Variants in SERGEF observed in about 807,000 individuals in gnomAD.
SERGEF encodes secretion-regulating guanine nucleotide exchange factor.
SERGEF carries 51 observed loss-of-function variants against 50.0 expected under a neutral mutation model. That is an observed-to-expected ratio of 1.02 (90% CI 0.81 to 1.29). The LOEUF is 1.29. Among genes scored for constraint, SERGEF ranks in the 50% most tolerant of loss-of-function variants. The pLI, the probability that SERGEF is intolerant of heterozygous loss-of-function variation, is 0.00. For missense variants in SERGEF, 521 were observed against 557.0 expected (o/e 0.94, Z 0.65); for synonymous variants, 205 against 212.4 (o/e 0.97, Z 0.30).
chr11:17,803,238 C>A (rs1334363220), intron 10 of SERGEF, among the ~76,000 whole-genome samples: 3 of 152,236 alleles, frequency 2.0e-5, no homozygotes, highest in African/African-American at 7.2e-5. Flanking sequence ...GTTATCAGAG[C>A]TAGAGGTTGA....
At chr11:17,819,101 AG>A (rs1290149385) in intron 10 of SERGEF, among the ~76,000 whole-genome samples, 3 of 152,254 alleles carry the variant, frequency 2.0e-5, no homozygotes, top group Non-Finnish European at 4.4e-5. Flanking sequence ...ATGGTACGCC[AG>A]TGGTTGCCAA....
intron 9 of SERGEF, among the ~76,000 whole-genome samples, chr11:17,880,045 C>T (rs1851309584): frequency 6.6e-6 from 1 of 152,202 alleles, no homozygotes; most frequent in Non-Finnish European, 1.5e-5. Context: ...AGCCAATCTG[C>T]ACATTCATAG....
At chr11:17,993,878 T>C (rs959599851) in intron 6 of SERGEF, among the ~76,000 whole-genome samples, 1 of 152,122 alleles carries the variant, frequency 6.6e-6, no homozygotes, top group African/African-American at 2.4e-5. Flanking sequence ...GTGAAAGACT[T>C]TGAGGACTGG....
At chr11:17,987,099 A>G (rs551864796) in intron 8 of SERGEF, among the ~76,000 whole-genome samples, 38 of 152,336 alleles carry the variant, frequency 2.5e-4, no homozygotes, top group African/African-American at 9.1e-4. Flanking sequence ...GGCTTAACAC[A>G]TTGCTCAATA....
At chr11:17,817,275 C>T (rs1371585779) in intron 10 of SERGEF, among the ~76,000 whole-genome samples, 3 of 149,054 alleles carry the variant, frequency 2.0e-5, no homozygotes, top group East Asian at 2.0e-4. Context: ...AATGCAGTGG[C>T]GCGATCTTGG....
chr11:17,839,432 C>A (rs1473748715), intron 10 of SERGEF, among the ~76,000 whole-genome samples: 4 of 152,162 alleles, frequency 2.6e-5, no homozygotes, highest in Non-Finnish European at 5.9e-5. Context: ...AGTCAGAATT[C>A]TTCCAGGGGT....
chr11:17,901,857 C>T (rs1218425174), intron 9 of SERGEF, among the ~76,000 whole-genome samples: 4 of 152,222 alleles, frequency 2.6e-5, no homozygotes, highest in East Asian at 1.9e-4. Context: ...CACCACTCTG[C>T]GTCTAGCACC....
chr11:17,953,626 T>C (rs1852809984), intron 9 of SERGEF, among the ~76,000 whole-genome samples: 1 of 152,180 alleles, frequency 6.6e-6, no homozygotes, highest in Non-Finnish European at 1.5e-5. Flanking sequence ...TCCAAAACCA[T>C]TACTTTCATT....
chr11:18,006,744 C>T lies in SERGEF; in HGVS notation c.199G>A (p.Gly67Arg). Residue 67 changes from glycine (G) to arginine (R), a missense_variant and splice_region_variant, in exon 3 of 11, where the codon GGA (glycine) becomes AGA (arginine). Physicochemically the swap from Gly to Arg is moderately radical, Grantham distance 125. Transcript: ENST00000265965. ...AGGCCACAAACAAAGAGGTCTCCTC[C>T]ATCTGCAAAATATAAAGGCATCAGT... ...GGGHSAVVTD[G>R]GDLFVCGLNK... is the part of the protein sequence containing the mutation. The T allele has an allele frequency of 6.2e-7, 1 of 1,614,092 alleles. No homozygotes were observed. Among genetic ancestry groups the T allele is most frequent in the Non-Finnish European group, 8.5e-7 (1 of 1,180,006 alleles).
chr11:17,889,137 CATT>C (rs1395660666), intron 9 of SERGEF, among the ~76,000 whole-genome samples: 3 of 152,150 alleles, frequency 2.0e-5, no homozygotes, highest in Non-Finnish European at 4.4e-5. Context: ...ATTTTGCAAT[CATT>C]AGTTAATTCA....
chr11:17,838,731 G>A lies in SERGEF; in HGVS notation c.1048+39477C>T, dbSNP rs142590024. Among the ~76,000 whole-genome samples the A allele has an allele frequency of 5.1e-3, 778 of 152,200 alleles. 4 individuals are homozygous for A. The highest frequency in any genetic ancestry group is 6.0e-3 in the African/African-American group (249 of 41,522). On this transcript the variant is annotated intron_variant, in intron 10 of 10. Transcript: ENST00000265965. ...TAGTGTGAGAATGAAAACGAGATAC[G>A]GTGTAGAGCACCTACTACCATGCCA...
At chr11:17,907,563 T>C (rs765876556) in intron 9 of SERGEF, among the ~76,000 whole-genome samples, 12 of 152,074 alleles carry the variant, frequency 7.9e-5, no homozygotes, top group African/African-American at 1.2e-4. Context: ...CCTCTTTCTT[T>C]TGAGATAGCT....
At chr11:17,978,718 A>G (rs1853431186) in intron 8 of SERGEF, among the ~76,000 whole-genome samples, 1 of 152,168 alleles carries the variant, frequency 6.6e-6, no homozygotes, top group Admixed American at 6.5e-5. Flanking sequence ...GTCCTTATGC[A>G]AGACCCTTTC....
In SERGEF at chr11:17,851,109, T is replaced by C. The variant is rs147271085; in HGVS notation, c.1048+27099A>G. 6.0e-3 allele frequency among the ~76,000 whole-genome samples: 913 copies of C among 152,330 alleles called. 6 individuals are homozygous for C. Among genetic ancestry groups the C allele is most frequent in the Non-Finnish European group, 0.01 (712 of 68,020 alleles). ...CAGTATTTCCTCTGCTGTGAAACTG[T>C]CACAATTACTATGTATATATCTGTA... On this transcript the variant is annotated intron_variant, in intron 10 of 10. Coordinates refer to ENST00000265965, the MANE Select transcript of SERGEF (RefSeq NM_012139.4).
Position 18,000,488 on chromosome 11 carries a change from G to A in SERGEF, c.508+9C>T, listed in dbSNP as rs370012744. ...AATAAAAATAAAAAAATAAAGATAA[G>A]ATGATCACCTGTAGCAGCTACTGCA... On this transcript the variant is annotated intron_variant, in intron 5 of 10. Transcript: ENST00000265965. The A allele has an allele frequency of 1.3e-6, 2 of 1,548,228 alleles. No individual in the cohort carries two copies. Among genetic ancestry groups the A allele is most frequent in the Non-Finnish European group, 1.7e-6 (2 of 1,144,900 alleles).
intron 10 of SERGEF, among the ~76,000 whole-genome samples, chr11:17,841,148 C>A (rs576812994): frequency 6.6e-6 from 1 of 152,244 alleles, no homozygotes; most frequent in African/African-American, 2.4e-5. Context: ...ACAAGGCTGA[C>A]CCCCAGAGAG....
chr11:17,891,540 T>C (rs1303073440), intron 9 of SERGEF, among the ~76,000 whole-genome samples: 2 of 152,178 alleles, frequency 1.3e-5, no homozygotes, highest in African/African-American at 4.8e-5. Context: ...GAAATTGTCA[T>C]ATAATGAGCT....
intron 10 of SERGEF, among the ~76,000 whole-genome samples, chr11:17,877,631 T>C (rs1430651187): frequency 6.6e-6 from 1 of 152,220 alleles, no homozygotes; most frequent in Non-Finnish European, 1.5e-5. Context: ...TGAGTCTACC[T>C]GTGGAAGTTA....
intron 10 of SERGEF, among the ~76,000 whole-genome samples, chr11:17,798,314 C>T (rs966227167): frequency 6.6e-5 from 10 of 152,356 alleles, no homozygotes; most frequent in Admixed American, 1.3e-4. Flanking sequence ...CCTACCTCCC[C>T]GCTCCTCTCA....
Sources: allele counts gnomAD v4.1 joint callset (sites outside exome capture counted in the v4.1 genomes callset), GRCh38; gene constraint gnomAD v4.1.1; transcripts MANE v1.5; gene names NCBI Gene and HGNC (gene_info 2026-07-23, HGNC 2026-07-21).